Variants in CDH8 observed in about 807,000 individuals in gnomAD.
The protein encoded by CDH8 is cadherin 8.
CDH8 carries 17 observed loss-of-function variants against 68.1 expected under a neutral mutation model. That is an observed-to-expected ratio of 0.25 (90% confidence interval 0.17 to 0.37). CDH8 has a LOEUF of 0.37. Ranked by LOEUF, CDH8 falls within the 10% of genes least tolerant of loss-of-function variation. The pLI is 1.00. For synonymous variants in CDH8, 372 were observed against 365.1 expected (o/e 1.02, Z -0.21); for missense variants, 763 against 999.3 (o/e 0.76, Z 3.19).
chr16:61,737,833 C>G (rs1959741633), intron 8 of CDH8, among the ~76,000 whole-genome samples: 1 of 152,044 alleles, frequency 6.6e-6, no homozygotes, highest in Admixed American at 6.6e-5. Context: ...AAATACTTAT[C>G]AAAAAATGTC....
intron 2 of CDH8, among the ~76,000 whole-genome samples, chr16:62,010,134 G>T (rs1901771876): frequency 6.6e-6 from 1 of 152,264 alleles, no homozygotes; most frequent in Non-Finnish European, 1.5e-5. Flanking sequence ...TTTCAAAAGG[G>T]ATTTATGTAC....
At chr16:61,884,580 G>T (rs1963638041) in intron 3 of CDH8, among the ~76,000 whole-genome samples, 1 of 151,960 alleles carries the variant, frequency 6.6e-6, no homozygotes, top group South Asian at 2.1e-4. Context: ...CACCATGTTG[G>T]CCAGGCTGGT....
At chr16:61,998,352 C>A (rs1965841352) in intron 2 of CDH8, among the ~76,000 whole-genome samples, 2 of 152,132 alleles carry the variant, frequency 1.3e-5, no homozygotes, top group South Asian at 4.1e-4. Context: ...CATCAAATAT[C>A]TGCAGGTGTC....
At chr16:61,982,808 CAG>C (rs1410109417) in intron 2 of CDH8, among the ~76,000 whole-genome samples, 1 of 152,110 alleles carries the variant, frequency 6.6e-6, no homozygotes, top group Admixed American at 6.5e-5. Context: ...GACACAGGAA[CAG>C]AGTCTTAAAA....
At chr16:61,661,792 G>A (rs904006006) in intron 10 of CDH8, among the ~76,000 whole-genome samples, 4 of 151,178 alleles carry the variant, frequency 2.6e-5, no homozygotes, top group East Asian at 1.9e-4. Context: ...TCATATTGGG[G>A]GTATTTCTAT....
chr16:61,932,647 AC>A (rs1458473768), intron 2 of CDH8, among the ~76,000 whole-genome samples: 3 of 152,260 alleles, frequency 2.0e-5, no homozygotes, highest in Admixed American at 6.5e-5. Flanking sequence ...TTGTTTCATG[AC>A]CCATTCTAAA....
At chr16:61,916,918 G>A (rs905557132) in intron 2 of CDH8, among the ~76,000 whole-genome samples, 2 of 152,136 alleles carry the variant, frequency 1.3e-5, no homozygotes, top group Non-Finnish European at 2.9e-5. Context: ...ACTTCACTTT[G>A]TCATATTATG....
chr16:61,682,103 T>TA (rs1361665771), intron 10 of CDH8, among the ~76,000 whole-genome samples: 1 of 151,860 alleles, frequency 6.6e-6, no homozygotes, highest in African/African-American at 2.4e-5. Flanking sequence ...CAAAAAAAGA[T>TA]AATATTCAAT....
chr16:61,753,640 T>C (rs898339964), intron 8 of CDH8, among the ~76,000 whole-genome samples: 4 of 152,194 alleles, frequency 2.6e-5, no homozygotes, highest in Admixed American at 2.0e-4. Flanking sequence ...GATATGTTCA[T>C]ATAGGCTATA....
chr16:61,812,915 A>C (rs1286209528), intron 7 of CDH8, among the ~76,000 whole-genome samples: 2 of 152,184 alleles, frequency 1.3e-5, no homozygotes, highest in East Asian at 3.9e-4. Flanking sequence ...TATAAAACTG[A>C]AATCATACTA....
chr16:61,994,243 A>G (rs966721348), intron 2 of CDH8, among the ~76,000 whole-genome samples: 5 of 152,096 alleles, frequency 3.3e-5, no homozygotes, highest in African/African-American at 1.2e-4. Flanking sequence ...AATAAATCCC[A>G]TATTGTATTC....
At position 61,651,910 on chromosome 16, in the gene CDH8, C is replaced by T. The variant is rs1048310895; in HGVS notation, c.*1698G>A. 5.2e-6 allele frequency: 1 copy of T among 192,260 alleles called. No homozygotes were observed. Among genetic ancestry groups the T allele is most frequent in the African/African-American group, 2.4e-5 (1 of 41,990 alleles). 11.9% of individuals were successfully genotyped at this position (192,260 alleles called of 1,614,324 possible). A position where few individuals can be genotyped will look rare whatever the true frequency, so the allele number is the denominator to read the frequency against. On this transcript the variant is annotated 3_prime_UTR_variant, in exon 12 of 12. Coordinates refer to ENST00000577390, the MANE Select transcript of CDH8 (RefSeq NM_001796.5). ...AAAGAGTCTTACAAACAAAAGTGAC[C>T]CTTGGGATGATTTGGTTGAGTATTC...
chr16:61,699,622 T>C (rs1440771607), intron 10 of CDH8, among the ~76,000 whole-genome samples: 1 of 152,206 alleles, frequency 6.6e-6, no homozygotes, highest in Non-Finnish European at 1.5e-5. Context: ...TCACCCAGGC[T>C]GGAGTACAAT....
intron 7 of CDH8, among the ~76,000 whole-genome samples, chr16:61,801,899 G>A (rs1354502162): frequency 2.0e-5 from 3 of 150,474 alleles, no homozygotes; most frequent in African/African-American, 7.4e-5. Flanking sequence ...AGGGGCGCCC[G>A]CCATTGCCCA....
chr16:61,683,827 C>A (rs1035701709), intron 10 of CDH8, among the ~76,000 whole-genome samples: 1 of 152,046 alleles, frequency 6.6e-6, no homozygotes. Flanking sequence ...CAATCACCTT[C>A]ATCTCCCTAA....
chr16:61,807,766 A>G (rs1396308558), intron 7 of CDH8, among the ~76,000 whole-genome samples: 1 of 152,200 alleles, frequency 6.6e-6, no homozygotes, highest in Non-Finnish European at 1.5e-5. Context: ...GGCATGACGT[A>G]GTACTCCTCT....
chr16:61,802,125 G>A (rs1446260171), intron 7 of CDH8, among the ~76,000 whole-genome samples: 34 of 129,602 alleles, frequency 2.6e-4, no homozygotes, highest in African/African-American at 8.5e-4. Context: ...ATCTGAGAAC[G>A]GGCAGACTGC....
intron 8 of CDH8, among the ~76,000 whole-genome samples, chr16:61,731,709 A>T (rs2142903560): frequency 6.6e-6 from 1 of 151,844 alleles, no homozygotes; most frequent in South Asian, 2.1e-4. Context: ...CTAGTTTCCA[A>T]AAAAAGTTAC....
In CDH8 at chr16:61,648,301, C is replaced by T. The variant is rs1449023214; in HGVS notation, c.*5307G>A. ...CTAATTTCTGGATCTTTCTGAATGT[C>T]CAAAAGTGTGCCATTGGTGCTTTTT... On this transcript the variant is annotated 3_prime_UTR_variant, in exon 12 of 12. Transcript: ENST00000577390. 1 of 152,698 alleles carries T rather than the reference C, an allele frequency of 6.5e-6. No individual in the cohort carries two copies. The highest frequency in any genetic ancestry group is 1.5e-5 in the Non-Finnish European group (1 of 68,562). The allele number at this position is 152,698 out of a possible 1,614,324, so 9.5% of individuals were successfully genotyped here.
Sources: gnomAD v4.1 joint callset for allele counts (sites outside exome capture counted in the v4.1 genomes callset) on GRCh38, gnomAD v4.1.1 for gene constraint, MANE v1.5 for transcripts, NCBI Gene and HGNC (gene_info 2026-07-23, HGNC 2026-07-21) for gene names.